The following CSNK1G1 variants were observed in gnomAD, a reference collection of about 807,000 sequenced individuals.
The protein encoded by CSNK1G1 is casein kinase 1 gamma 1.
CSNK1G1 carries 22 observed loss-of-function variants against 59.6 expected under a neutral mutation model. The observed-to-expected ratio is 0.37, with a 90% CI of 0.26 to 0.53. CSNK1G1 has a LOEUF of 0.53. Among genes scored for constraint, CSNK1G1 ranks in the 20% least tolerant of loss-of-function variants. The pLI is 0.89. For missense variants in CSNK1G1, 384 were observed against 519.5 expected (o/e 0.74, Z 2.54); for synonymous variants, 179 against 177.1 (o/e 1.01, Z -0.08).
intron 6 of CSNK1G1, among the ~76,000 whole-genome samples, chr15:64,213,307 T>C (rs2082271776): frequency 6.6e-6 from 1 of 152,164 alleles, no homozygotes; most frequent in South Asian, 2.1e-4. Context: ...TGACAAATAC[T>C]CTCCCCCTTG....
rs562097864 is a variant in CSNK1G1, at chr15:64,188,863, T to C, written c.1108-8409A>G. Among the ~76,000 whole-genome samples, 7 of 152,242 alleles carry C rather than the reference T, an allele frequency of 4.6e-5. No homozygotes were observed. Among genetic ancestry groups the C allele is most frequent in the South Asian group, 2.1e-4 (1 of 4,822 alleles). On this transcript the variant is annotated intron_variant, in intron 10 of 11. Coordinates refer to ENST00000303052, the MANE Select transcript of CSNK1G1 (RefSeq NM_022048.5). The surrounding 1 kb of genome is among the most constrained non-coding windows in gnomAD (Gnocchi z 4.2). ...GTTAAGATTGTTCGGAGTGGTGGCA[T>C]ACGCCTATAATCTCAGCACTTTGGG...
intron 6 of CSNK1G1, among the ~76,000 whole-genome samples, chr15:64,209,964 A>G (rs2082230399): frequency 6.6e-6 from 1 of 152,216 alleles, no homozygotes. Context: ...TACAGAAAAA[A>G]GATTTCACAG....
intron 4 of CSNK1G1, among the ~76,000 whole-genome samples, chr15:64,238,813 C>T (rs1332040731): frequency 6.6e-6 from 1 of 151,830 alleles, no homozygotes; most frequent in Admixed American, 6.6e-5. Flanking sequence ...ACCCAACCCC[C>T]TGGATCTGGG....
At chr15:64,305,469 G>A (rs188689014) in intron 1 of CSNK1G1, among the ~76,000 whole-genome samples, 35 of 152,142 alleles carry the variant, frequency 2.3e-4, no homozygotes, top group African/African-American at 8.2e-4. Context: ...TAATCCCAGT[G>A]TGTTGGGAGG....
intron 1 of CSNK1G1, among the ~76,000 whole-genome samples, chr15:64,319,976 T>A (rs1372010295): frequency 3.1e-5 from 4 of 128,152 alleles, no homozygotes; most frequent in Admixed American, 1.0e-4. Context: ...CAGGTTAGAG[T>A]GCAGTGATGC....
At chr15:64,208,889 C>CTTTTTTT (rs201279267) in intron 6 of CSNK1G1, among the ~76,000 whole-genome samples, 3 of 136,638 alleles carry the variant, frequency 2.2e-5, no homozygotes, top group Non-Finnish European at 3.2e-5. Context: ...TTTCTTTTTT[C>CTTTTTTT]TTTTTTTTTT....
chr15:64,327,242 C>G (rs1896897537), intron 1 of CSNK1G1, among the ~76,000 whole-genome samples: 1 of 152,094 alleles, frequency 6.6e-6, no homozygotes, highest in South Asian at 2.1e-4. Context: ...AACAAAAAGA[C>G]AGCAGTAACC....
intron 11 of CSNK1G1, among the ~76,000 whole-genome samples, chr15:64,174,847 A>ATG (rs2081722704): frequency 6.6e-6 from 1 of 152,026 alleles, no homozygotes; most frequent in South Asian, 2.1e-4. Flanking sequence ...GTTTACAAGG[A>ATG]CTTCTTTGAC....
At chr15:64,280,317 A>G (rs931679746) in intron 2 of CSNK1G1, among the ~76,000 whole-genome samples, 2 of 152,264 alleles carry the variant, frequency 1.3e-5, no homozygotes, top group East Asian at 1.9e-4. Context: ...TTGAGCTGAT[A>G]TAACAATCGT....
intron 10 of CSNK1G1, among the ~76,000 whole-genome samples, chr15:64,198,597 C>T (rs144562060): frequency 0.012 from 1,878 of 152,112 alleles, 27 homozygotes; most frequent in African/African-American, 0.044. Context: ...AAGTCAATAC[C>T]TGTCAATCTC....
intron 10 of CSNK1G1, chr15:64,181,593 GA>G: frequency 3.1e-6 from 2 of 643,200 alleles, no homozygotes; most frequent in Admixed American, 7.3e-5. Context: ...ATAAATAAGG[GA>G]AGCAGCATAG....
chr15:64,221,732 T>C (rs1448030924), intron 4 of CSNK1G1, among the ~76,000 whole-genome samples: 2 of 151,748 alleles, frequency 1.3e-5, no homozygotes, highest in African/African-American at 4.8e-5. Flanking sequence ...TGAGATACCA[T>C]CTCACGCCAG....
rs904201982 is a variant in CSNK1G1 at position 64,214,390 on chromosome 15, C to T, written c.445-266G>A. ...AGCTCAATTTTACCTCATAATGTCA[C>T]AATTTGCAAATGACAAATGAAATCA... On this transcript the variant is annotated intron_variant, in intron 5 of 11. Transcript: ENST00000303052. The surrounding 1 kb of genome is among the most constrained non-coding windows in gnomAD (Gnocchi z 4.3). Among the ~76,000 whole-genome samples the T allele has an allele frequency of 2.1e-4, 32 of 152,172 alleles. 1 individual carries two copies. The highest frequency in any genetic ancestry group is 7.4e-5 in the Non-Finnish European group (5 of 68,022).
intron 4 of CSNK1G1, among the ~76,000 whole-genome samples, chr15:64,238,518 A>AAAAAAATATATATATATATATAT (rs1555396879): frequency 1.0e-4 from 5 of 49,224 alleles, no homozygotes; most frequent in Non-Finnish European, 1.6e-4. Context: ...AAAAAAAAAA[A>AAAAAAATATATATATATATATAT]ATATATATAT....
intron 4 of CSNK1G1, among the ~76,000 whole-genome samples, chr15:64,227,210 T>C (rs972701956): frequency 1.3e-5 from 2 of 152,208 alleles, no homozygotes; most frequent in African/African-American, 2.4e-5. Context: ...TGTGCACGAA[T>C]ACTAACACAA....
At chr15:64,322,777 G>A (rs1896630290) in intron 1 of CSNK1G1, among the ~76,000 whole-genome samples, 1 of 152,130 alleles carries the variant, frequency 6.6e-6, no homozygotes, top group Admixed American at 6.5e-5. Flanking sequence ...AGCCTGGAGT[G>A]AGCACTACAT....
At chr15:64,218,874 A>C (rs1336151714) in intron 4 of CSNK1G1, among the ~76,000 whole-genome samples, 2 of 98,302 alleles carry the variant, frequency 2.0e-5, no homozygotes, top group Admixed American at 1.1e-4. Context: ...TTTTTTTTTT[A>C]CATGGAGTTT....
chr15:64,234,892 G>A (rs982339492), intron 4 of CSNK1G1, among the ~76,000 whole-genome samples: 1 of 152,140 alleles, frequency 6.6e-6, no homozygotes. Flanking sequence ...GGAATGTGCA[G>A]TTGTGACATA....
chr15:64,218,769 G>T lies in CSNK1G1; in HGVS notation c.293-2056C>A, dbSNP rs528438079. 2.0e-5 allele frequency among the ~76,000 whole-genome samples: 3 copies of T among 150,802 alleles called. No individual in the cohort carries two copies. The East Asian group carries it at 5.9e-4, about 29-fold the overall frequency. ...CCTCTAACATATGTTACTCCTGCTA[G>T]TTCAATAAATATCTGTTCAATTGTT... is the stretch of plus-strand genomic sequence containing the variant. On this transcript the variant is annotated intron_variant, in intron 4 of 11. Coordinates refer to ENST00000303052, the MANE Select transcript of CSNK1G1 (RefSeq NM_022048.5).
Sources: allele counts gnomAD v4.1 joint callset (sites outside exome capture counted in the v4.1 genomes callset), GRCh38; gene constraint gnomAD v4.1.1; non-coding constraint Gnocchi (gnomAD v3.1); transcripts MANE v1.5; gene names NCBI Gene and HGNC (gene_info 2026-07-23, HGNC 2026-07-21).